ACOXL: variants seen among roughly 807,000 people sequenced by gnomAD.
ACOXL encodes acyl-CoA oxidase like, also known as acyl-coenzyme A oxidase-like protein.
In ACOXL, 70 loss-of-function variants were observed where a neutral mutation model predicts 71.9. The observed-to-expected ratio is 0.97, with a 90% confidence interval of 0.80 to 1.19. The LOEUF (loss-of-function observed/expected upper bound fraction) is 1.19, where lower values mean the gene tolerates loss of function less well. Ranked by LOEUF, ACOXL falls within the 50% of genes most tolerant of loss-of-function variation. The probability of loss-of-function intolerance (pLI) is 0.00; values close to 1 mark genes in which losing one functional copy is unlikely to be tolerated. For synonymous variants in ACOXL, 253 were observed against 281.6 expected, an observed-to-expected ratio of 0.90 and a Z score of 1.02; for missense variants, 703 against 736.3, an observed-to-expected ratio of 0.95 and a Z score of 0.52.
At chr2:110,748,431 A>G (rs1451045912) in intron 1 of ACOXL, among the ~76,000 whole-genome samples, 1 of 151,856 alleles carries the variant, frequency 6.6e-6, no homozygotes, top group Non-Finnish European at 1.5e-5. Flanking sequence ...CCCTTTTTCT[A>G]TCTCCTGAGT....
At chr2:111,058,535 C>T (rs904097869) in intron 16 of ACOXL, among the ~76,000 whole-genome samples, 7 of 152,180 alleles carry the variant, frequency 4.6e-5, no homozygotes, top group Admixed American at 1.3e-4. Context: ...AAACTGGAAA[C>T]GTTAAGAGAC....
chr2:110,751,447 C>G (rs998016405), intron 1 of ACOXL, among the ~76,000 whole-genome samples: 1 of 152,114 alleles, frequency 6.6e-6, no homozygotes, highest in Non-Finnish European at 1.5e-5. Context: ...ATTGATCTCT[C>G]TATTCACCAT....
At chr2:110,845,087 T>C (rs916915040) in intron 10 of ACOXL, among the ~76,000 whole-genome samples, 90 of 152,340 alleles carry the variant, frequency 5.9e-4, no homozygotes, top group African/African-American at 2.2e-3. Flanking sequence ...TATAACAAAA[T>C]ACCATAGACT....
chr2:110,752,607 T>C (rs1309577934), intron 1 of ACOXL, among the ~76,000 whole-genome samples: 1 of 151,566 alleles, frequency 6.6e-6, no homozygotes, highest in Admixed American at 6.6e-5. Context: ...GATTACACAG[T>C]TGAAGTTACT....
At chr2:111,098,218 G>A (rs1034999412) in intron 17 of ACOXL, 8 of 152,326 alleles carry the variant, frequency 5.3e-5, no homozygotes, top group African/African-American at 1.9e-4. Flanking sequence ...ATTCAGGGGT[G>A]TCTAATCTTT....
intron 10 of ACOXL, among the ~76,000 whole-genome samples, chr2:110,842,111 C>T (rs990416255): frequency 2.6e-5 from 4 of 152,142 alleles, no homozygotes; most frequent in Non-Finnish European, 4.4e-5. Context: ...CACAGACAAC[C>T]TAAAGTCACC....
rs1440342031 is a variant in ACOXL, at chr2:110,997,851, C to A, written c.1281+1847C>A. Among the ~76,000 whole-genome samples the A allele has an allele frequency of 2.7e-4, 41 of 152,226 alleles. 1 individual carries two copies. Among genetic ancestry groups the A allele is most frequent in the Non-Finnish European group, 7.4e-5 (5 of 68,014 alleles). On this transcript the variant is annotated intron_variant, in intron 14 of 17. Coordinates refer to ENST00000439055, the MANE Select transcript of ACOXL (RefSeq NM_001142807.4). ...AGGCGGATTGCTTGAGCTCAGGAGA[C>A]CAGCCTGGGCAACATGGCAAAATCC...
chr2:110,879,036 G>A (rs1291922193), intron 10 of ACOXL, among the ~76,000 whole-genome samples: 5 of 148,432 alleles, frequency 3.4e-5, no homozygotes, highest in Middle Eastern at 3.5e-3. Flanking sequence ...CAGCCTGGGC[G>A]ACAGGGCGAG....
At chr2:110,771,437 G>A (rs185486750) in intron 2 of ACOXL, among the ~76,000 whole-genome samples, 98 of 152,258 alleles carry the variant, frequency 6.4e-4, no homozygotes, top group Non-Finnish European at 3.5e-4. Context: ...TTTTGTGGAT[G>A]ATCCGATGAG....
At chr2:110,963,694 A>G (rs752156344) in intron 12 of ACOXL, 3 of 1,613,856 alleles carry the variant, frequency 1.9e-6, no homozygotes, top group Non-Finnish European at 2.5e-6. Context: ...TTTGAAGGTG[A>G]CGATGTTGTT....
At chr2:110,733,938 C>T (rs948868214) in intron 1 of ACOXL, among the ~76,000 whole-genome samples, 3 of 152,180 alleles carry the variant, frequency 2.0e-5, no homozygotes, top group Non-Finnish European at 4.4e-5. Context: ...TTAGCTTTTT[C>T]ACTCTCATTC....
At chr2:111,047,744 G>T (rs1231666094) in intron 15 of ACOXL, among the ~76,000 whole-genome samples, 2 of 152,222 alleles carry the variant, frequency 1.3e-5, no homozygotes, top group African/African-American at 4.8e-5. Context: ...TTAAATTGAT[G>T]ATTCTATGTA....
intron 10 of ACOXL, among the ~76,000 whole-genome samples, chr2:110,842,700 A>G (rs1415782097): frequency 6.6e-6 from 1 of 152,054 alleles, no homozygotes; most frequent in Non-Finnish European, 1.5e-5. Flanking sequence ...GTCTTCAGAG[A>G]TAAGTATGTT....
intron 10 of ACOXL, among the ~76,000 whole-genome samples, chr2:110,886,385 T>TC (rs1197848378): frequency 2.7e-5 from 4 of 150,660 alleles, no homozygotes; most frequent in East Asian, 3.9e-4. Flanking sequence ...TTTTTCTTTT[T>TC]TTTTTTTTTT....
At chr2:110,929,897 C>T (rs1407763988) in intron 11 of ACOXL, among the ~76,000 whole-genome samples, 1 of 152,196 alleles carries the variant, frequency 6.6e-6, no homozygotes, top group East Asian at 1.9e-4. Flanking sequence ...AAACCTCTGC[C>T]CAGATTTCAG....
intron 15 of ACOXL, among the ~76,000 whole-genome samples, chr2:111,033,921 G>A (rs755255095): frequency 6.6e-6 from 1 of 152,198 alleles, no homozygotes; most frequent in African/African-American, 2.4e-5. Flanking sequence ...TCAGAAATGT[G>A]ATCAAGTTTG....
intron 14 of ACOXL, among the ~76,000 whole-genome samples, chr2:111,009,513 CAAA>C (rs35134750): frequency 1.9e-4 from 22 of 115,010 alleles, no homozygotes; most frequent in Admixed American, 1.8e-4. Flanking sequence ...GACTCCGTCT[CAAA>C]AAAAAAAAAA....
intron 12 of ACOXL, among the ~76,000 whole-genome samples, chr2:110,933,964 A>G (rs548173430): frequency 9.9e-5 from 15 of 152,272 alleles, no homozygotes; most frequent in Non-Finnish European, 1.9e-4. Flanking sequence ...CTCTGCTCCA[A>G]TGTTTTAATC....
chr2:111,110,776 T>C (rs2069889168), intron 17 of ACOXL, among the ~76,000 whole-genome samples: 1 of 152,240 alleles, frequency 6.6e-6, no homozygotes, highest in African/African-American at 2.4e-5. Context: ...ATAAAACATC[T>C]GATTTTTACT....
Sources: allele counts gnomAD v4.1 joint callset (sites outside exome capture counted in the v4.1 genomes callset), GRCh38; gene constraint gnomAD v4.1.1; transcripts MANE v1.5; gene names NCBI Gene and HGNC (gene_info 2026-07-23, HGNC 2026-07-21).